MYO16: variants seen among roughly 807,000 people sequenced by gnomAD.
MYO16 encodes the protein unconventional myosin-XVI.
MYO16 carries 94 observed loss-of-function variants against 205.3 expected under a neutral mutation model. The observed-to-expected ratio is 0.46, with a 90% CI of 0.39 to 0.54. The LOEUF (loss-of-function observed/expected upper bound fraction) is 0.54. MYO16 is among the 20% of genes least tolerant of loss of function. The pLI is 0.00. For missense variants in MYO16, 2,315 were observed against 2,387.5 expected (o/e 0.97, Z 0.63); for synonymous variants, 988 against 954.0 (o/e 1.04, Z -0.66).
rs114572970 is a variant in MYO16, at chr13:108,717,706, G to A, written c.363+4975G>A. 3.1e-3 allele frequency among the ~76,000 whole-genome samples: 475 copies of A among 151,804 alleles called. 4 individuals are homozygous for A. The highest frequency in any genetic ancestry group is 0.011 in the African/African-American group (447 of 41,324). On this transcript the variant is annotated intron_variant, in intron 3 of 34. Transcript: ENST00000457511. ...AAAACATATTATACATGCCCAAAGCGGGTTACAGAATAGTGCATATAGCAC... is the reference window on the plus strand; with the variant it reads ...AAAACATATTATACATGCCCAAAGCAGGTTACAGAATAGTGCATATAGCAC...
At chr13:108,650,045 A>G (rs1437546847) in intron 1 of MYO16, among the ~76,000 whole-genome samples, 1 of 152,186 alleles carries the variant, frequency 6.6e-6, no homozygotes, top group African/African-American at 2.4e-5. Flanking sequence ...ATTTAATATT[A>G]AATGTGAACT....
chr13:108,716,484 C>A (rs1254523957), intron 3 of MYO16, among the ~76,000 whole-genome samples: 1 of 152,166 alleles, frequency 6.6e-6, no homozygotes, highest in Non-Finnish European at 1.5e-5. Context: ...GGAGGAGGTG[C>A]TCAGTGCTAA....
rs144720433 is a variant in MYO16, at chr13:108,967,683, A to T, written c.2369+2781A>T. Reference sequence around the variant, plus strand: ...ATGATTTGGTCCAAACAGGTAAAATAATAACAGTAATAAAAAAATAGCAAT... The same window carrying T: ...ATGATTTGGTCCAAACAGGTAAAATTATAACAGTAATAAAAAAATAGCAAT... On this transcript the variant is annotated intron_variant, in intron 20 of 34. Coordinates refer to ENST00000457511, the MANE Select transcript of MYO16 (RefSeq NM_001198950.3). 1.7e-3 allele frequency among the ~76,000 whole-genome samples: 254 copies of T among 152,350 alleles called. 1 individual carries two copies. The highest frequency in any genetic ancestry group is 5.7e-3 in the African/African-American group (236 of 41,584).
At chr13:108,967,961 C>T (rs141553910) in intron 20 of MYO16, among the ~76,000 whole-genome samples, 3,159 of 152,246 alleles carry the variant, frequency 0.021, 55 homozygotes, top group Middle Eastern at 0.034. Context: ...TTTTCTGAGG[C>T]ATTTCTTTTT....
chr13:108,902,434 A>G (rs1186023753), intron 15 of MYO16, among the ~76,000 whole-genome samples: 1 of 152,226 alleles, frequency 6.6e-6, no homozygotes, highest in Non-Finnish European at 1.5e-5. Context: ...CATAGACTGA[A>G]CGGGGTTGAT....
chr13:109,091,785 T>C (rs1437429435), intron 27 of MYO16, among the ~76,000 whole-genome samples: 2 of 152,234 alleles, frequency 1.3e-5, no homozygotes, highest in Non-Finnish European at 2.9e-5. Context: ...TCTCTTTTTA[T>C]TGATTATTCA....
intron 34 of MYO16, among the ~76,000 whole-genome samples, chr13:109,191,434 AAAG>A (rs1879912202): frequency 6.6e-6 from 1 of 152,142 alleles, no homozygotes; most frequent in South Asian, 2.1e-4. Context: ...CATATGGAAA[AAAG>A]AAAACGTTCA....
the MYO16 span, among the ~76,000 whole-genome samples, chr13:108,581,608 A>G: frequency 2.6e-5 from 4 of 152,152 alleles, no homozygotes; most frequent in African/African-American, 7.2e-5. Flanking sequence ...GGAAGTGGAC[A>G]GGTGCAATGG....
intron 19 of MYO16, among the ~76,000 whole-genome samples, chr13:108,964,388 C>A (rs527745470): frequency 3.9e-5 from 6 of 152,232 alleles, no homozygotes; most frequent in Admixed American, 3.9e-4. Context: ...ATCTGATTTT[C>A]CAGAAAGCCC....
At chr13:109,121,274 C>G (rs925763401) in intron 29 of MYO16, among the ~76,000 whole-genome samples, 18 of 152,132 alleles carry the variant, frequency 1.2e-4, no homozygotes, top group African/African-American at 4.1e-4. Flanking sequence ...GCCTCTGGGT[C>G]TTCCAGGGTT....
chr13:109,037,029 C>T (rs1289000420), intron 23 of MYO16, among the ~76,000 whole-genome samples: 2 of 152,244 alleles, frequency 1.3e-5, no homozygotes, highest in Admixed American at 6.5e-5. Flanking sequence ...CCCAGTGGCA[C>T]AGCAGAGAGC....
chr13:108,700,875 C>T (rs190800935), intron 2 of MYO16, among the ~76,000 whole-genome samples: 10 of 152,194 alleles, frequency 6.6e-5, no homozygotes, highest in Admixed American at 3.3e-4. Context: ...TCATAAGATA[C>T]CTGGGAAGAC....
intron 2 of MYO16, among the ~76,000 whole-genome samples, chr13:108,671,614 G>T (rs1327853598): frequency 6.6e-6 from 1 of 152,116 alleles, no homozygotes; most frequent in East Asian, 1.9e-4. Flanking sequence ...ATGCATTATT[G>T]CAATGTAAAA....
At chr13:108,868,219 G>C (rs982196594) in intron 12 of MYO16, among the ~76,000 whole-genome samples, 21 of 152,010 alleles carry the variant, frequency 1.4e-4, no homozygotes, top group Admixed American at 1.4e-3. Context: ...GATAAATATC[G>C]ACAATTTTCT....
intron 4 of MYO16, among the ~76,000 whole-genome samples, chr13:108,769,387 TG>T (rs1885887791): frequency 6.6e-6 from 1 of 151,884 alleles, no homozygotes; most frequent in South Asian, 2.1e-4. Flanking sequence ...TAGAGGCTGG[TG>T]GAAGTGTGAA....
the MYO16 span, among the ~76,000 whole-genome samples, chr13:108,557,893 T>A: frequency 5.3e-5 from 8 of 152,164 alleles, no homozygotes; most frequent in Non-Finnish European, 1.2e-4. Context: ...ATACAAAGTG[T>A]ATATCATTAT....
intron 34 of MYO16, among the ~76,000 whole-genome samples, chr13:109,205,136 A>C (rs1880545831): frequency 6.6e-6 from 1 of 152,162 alleles, no homozygotes; most frequent in African/African-American, 2.4e-5. Context: ...GGACTGAGTA[A>C]CCATAGTCCT....
intron 9 of MYO16, among the ~76,000 whole-genome samples, chr13:108,838,037 GA>G (rs1230781522): frequency 1.3e-5 from 2 of 152,036 alleles, no homozygotes; most frequent in Non-Finnish European, 2.9e-5. Context: ...GAAAAATACA[GA>G]AAATATTTTT....
rs528004881 is a variant in MYO16, at chr13:108,994,530, T to C, written c.2442+2082T>C. ...GACCATTGGTTTGAGCGATACATTTTAGATTTCTGTGTTGCTAACAGAAGC... is the reference window on the plus strand; with the variant it reads ...GACCATTGGTTTGAGCGATACATTTCAGATTTCTGTGTTGCTAACAGAAGC... On this transcript the variant is annotated intron_variant, in intron 21 of 34. Transcript: ENST00000457511. Among the ~76,000 whole-genome samples, 157 of 152,336 alleles carry C rather than the reference T, an allele frequency of 1.0e-3. 2 individuals are homozygous for C. The highest frequency in any genetic ancestry group is 3.7e-3 in the African/African-American group (152 of 41,580).
Sources: allele counts gnomAD v4.1 joint callset (sites outside exome capture counted in the v4.1 genomes callset), GRCh38; gene constraint gnomAD v4.1.1; transcripts MANE v1.5; gene names NCBI Gene and HGNC (gene_info 2026-07-23, HGNC 2026-07-21).